CA10: variants seen among roughly 807,000 people sequenced by gnomAD.
CA10 encodes carbonic anhydrase 10 (inactive).
CA10 carries 14 observed loss-of-function variants against 44.2 expected under a neutral mutation model. That is an observed-to-expected ratio of 0.32 (90% CI 0.21 to 0.50). CA10 has a LOEUF of 0.50. Among genes scored for constraint, CA10 ranks in the 20% least tolerant of loss-of-function variants. The pLI, the probability that CA10 is intolerant of heterozygous loss-of-function variation, is 0.99. For missense variants in CA10, 350 were observed against 409.7 expected (o/e 0.85, Z 1.26); for synonymous variants, 159 against 141.6 (o/e 1.12, Z -0.87).
intron 4 of CA10, among the ~76,000 whole-genome samples, chr17:51,708,781 C>T (rs1294449555): frequency 6.6e-6 from 1 of 152,220 alleles, no homozygotes; most frequent in Non-Finnish European, 1.5e-5. Context: ...CGATCCTCAT[C>T]CTTCTCCTGG....
intron 4 of CA10, among the ~76,000 whole-genome samples, chr17:51,669,516 G>A (rs768383944): frequency 2.0e-5 from 3 of 152,014 alleles, no homozygotes; most frequent in East Asian, 1.9e-4. Flanking sequence ...TTGTTCTTTC[G>A]CTCTTCGTAC....
At chr17:51,829,061 T>C (rs1908134131) in intron 3 of CA10, among the ~76,000 whole-genome samples, 1 of 152,210 alleles carries the variant, frequency 6.6e-6, no homozygotes, top group Non-Finnish European at 1.5e-5. Flanking sequence ...AGCCTGTGTT[T>C]GTATGGCCCT....
chr17:51,849,565 A>G (rs1978698319), intron 3 of CA10, among the ~76,000 whole-genome samples: 3 of 152,056 alleles, frequency 2.0e-5, no homozygotes, highest in Admixed American at 2.0e-4. Flanking sequence ...TGGTCAATGT[A>G]TTTAATCTTT....
At chr17:52,078,374 C>G (rs1228663833) in intron 1 of CA10, among the ~76,000 whole-genome samples, 1 of 152,192 alleles carries the variant, frequency 6.6e-6, no homozygotes, top group African/African-American at 2.4e-5. Flanking sequence ...AAACCATAAG[C>G]ACATACATTG....
At chr17:51,954,322 G>T (rs1195242960) in intron 2 of CA10, among the ~76,000 whole-genome samples, 1 of 152,044 alleles carries the variant, frequency 6.6e-6, no homozygotes. Context: ...CCATTTTTAT[G>T]CCTCCCTTGA....
At chr17:51,945,307 G>A (rs1983232228) in intron 2 of CA10, among the ~76,000 whole-genome samples, 1 of 152,124 alleles carries the variant, frequency 6.6e-6, no homozygotes, top group Non-Finnish European at 1.5e-5. Flanking sequence ...GGAGCTCAGA[G>A]TATTAGCTTT....
intron 1 of CA10, among the ~76,000 whole-genome samples, chr17:52,150,315 C>T (rs1163450115): frequency 6.6e-6 from 1 of 152,190 alleles, no homozygotes; most frequent in Non-Finnish European, 1.5e-5. Context: ...TGTCCCTTCT[C>T]TCTTCTCCTC....
At chr17:51,770,829 C>A (rs2157828) in intron 3 of CA10, among the ~76,000 whole-genome samples, 98,273 of 151,502 alleles carry the variant, frequency 0.65, 31,981 homozygotes, top group East Asian at 0.73. Context: ...CACACTTTTA[C>A]AAAGACCAGA....
At chr17:51,808,833 T>C (rs1907241276) in intron 3 of CA10, among the ~76,000 whole-genome samples, 1 of 152,230 alleles carries the variant, frequency 6.6e-6, no homozygotes, top group African/African-American at 2.4e-5. Context: ...AGTATATTGT[T>C]ATTTTCCTAC....
At chr17:51,754,502 C>T (rs528321874) in intron 3 of CA10, among the ~76,000 whole-genome samples, 1 of 144,312 alleles carries the variant, frequency 6.9e-6, no homozygotes, top group South Asian at 2.2e-4. Flanking sequence ...TGGACATTGG[C>T]AAGTCCAAAA....
chr17:51,936,959 G>T (rs889858912), intron 2 of CA10, among the ~76,000 whole-genome samples: 2 of 152,120 alleles, frequency 1.3e-5, no homozygotes, highest in African/African-American at 4.8e-5. Flanking sequence ...TTCAAAATAT[G>T]TGCCAATAAA....
intron 4 of CA10, among the ~76,000 whole-genome samples, chr17:51,692,645 T>G (rs1313412809): frequency 6.6e-6 from 1 of 152,212 alleles, no homozygotes; most frequent in Non-Finnish European, 1.5e-5. Flanking sequence ...TATCAATGAA[T>G]AGTATTTCAT....
intron 3 of CA10, among the ~76,000 whole-genome samples, chr17:51,818,436 C>A (rs151150203): frequency 6.6e-6 from 1 of 152,156 alleles, no homozygotes; most frequent in Non-Finnish European, 1.5e-5. Flanking sequence ...GCCCTTCCAA[C>A]GCTGGCATTA....
chr17:51,641,877 G>A (rs1294486592), intron 6 of CA10, among the ~76,000 whole-genome samples: 3 of 151,948 alleles, frequency 2.0e-5, no homozygotes, highest in Non-Finnish European at 2.9e-5. Flanking sequence ...AATATTGCCC[G>A]GCTTCCTGCT....
chr17:51,956,330 T>A (rs1312299493), intron 2 of CA10, among the ~76,000 whole-genome samples: 1 of 152,200 alleles, frequency 6.6e-6, no homozygotes. Flanking sequence ...TACACATGTA[T>A]GTATCCCAGA....
chr17:51,833,680 T>C (rs1908368055), intron 3 of CA10, among the ~76,000 whole-genome samples: 1 of 152,214 alleles, frequency 6.6e-6, no homozygotes, highest in Non-Finnish European at 1.5e-5. Context: ...AGTCTTTTCC[T>C]GGAAGTCAGT....
At chr17:52,049,224 T>G (rs1424965511) in intron 2 of CA10, among the ~76,000 whole-genome samples, 1 of 152,076 alleles carries the variant, frequency 6.6e-6, no homozygotes, top group Non-Finnish European at 1.5e-5. Context: ...GACCACAGGA[T>G]GCTCAGAATA....
rs567220776 is a variant in CA10 at position 52,101,701 on chromosome 17, C to T, written c.62-29308G>A. Among the ~76,000 whole-genome samples, 3 of 152,284 alleles carry T rather than the reference C, an allele frequency of 2.0e-5. No individual in the cohort carries two copies. In the South Asian group the frequency reaches 6.2e-4, roughly 32 times the overall value. ...AAGGAGAGTTGATCACTTGTCTTGG[C>T]TGCCATTGAACGGTTGACTACTAAT... On this transcript the variant is annotated intron_variant, in intron 1 of 8. Coordinates refer to ENST00000451037, the MANE Select transcript of CA10 (RefSeq NM_020178.5).
intron 2 of CA10, among the ~76,000 whole-genome samples, chr17:52,044,884 T>A (rs1404631488): frequency 6.6e-6 from 1 of 151,072 alleles, no homozygotes; most frequent in Non-Finnish European, 1.5e-5. Flanking sequence ...GAATTGAGAT[T>A]GGAAAGTGGG....
Sources: allele counts gnomAD v4.1 joint callset (sites outside exome capture counted in the v4.1 genomes callset), GRCh38; gene constraint gnomAD v4.1.1; transcripts MANE v1.5; gene names NCBI Gene and HGNC (gene_info 2026-07-23, HGNC 2026-07-21).